Variants in MYH11 observed in about 807,000 individuals in gnomAD.
MYH11 encodes the protein myosin heavy chain 11.
In MYH11, 80 loss-of-function variants were observed where a neutral mutation model predicts 246.6. That is an observed-to-expected ratio of 0.32 (90% CI 0.27 to 0.39). The LOEUF is 0.39. Ranked by LOEUF, MYH11 falls within the 10% of genes least tolerant of loss-of-function variation. The pLI, the probability that MYH11 is intolerant of heterozygous loss-of-function variation, is 1.00. For synonymous variants in MYH11, 1,071 were observed against 1,015.5 expected, an observed-to-expected ratio of 1.05 and a Z score of -1.04; for missense variants, 2,158 against 2,546.8, an observed-to-expected ratio of 0.85 and a Z score of 3.29.
At chr16:15,786,588 G>A (rs374444673) in intron 5 of MYH11, 42 bp downstream of exon 5, 34 of 1,565,264 alleles carry the variant, frequency 2.2e-5, no homozygotes, top group Middle Eastern at 1.7e-4. Context: ...GCTGGAGACC[G>A]GTTGGCTAAA....
intron 1 of MYH11, among the ~76,000 whole-genome samples, chr16:15,854,234 C>T (rs1198833032): frequency 6.6e-6 from 1 of 152,102 alleles, no homozygotes; most frequent in East Asian, 1.9e-4. Context: ...CCCGGTTCTG[C>T]CAAAGATGAG....
intron 26 of MYH11, chr16:15,733,109 T>G (rs2041014527): frequency 3.8e-6 from 1 of 263,890 alleles, no homozygotes; most frequent in Non-Finnish European, 7.4e-6. Context: ...AGGTGTGTTA[T>G]TATTTCCATT....
intron 26 of MYH11, among the ~76,000 whole-genome samples, chr16:15,733,230 T>C (rs1416712492): frequency 1.3e-5 from 2 of 152,082 alleles, no homozygotes; most frequent in Non-Finnish European, 2.9e-5. Context: ...CTTGAGTCCA[T>C]GGTTTTGTTT....
At chr16:15,789,369 C>G (rs940568016) in intron 4 of MYH11, among the ~76,000 whole-genome samples, 10 of 152,056 alleles carry the variant, frequency 6.6e-5, no homozygotes, top group Non-Finnish European at 1.2e-4. Flanking sequence ...TTTACTCTAC[C>G]CAGCAATCTA....
chr16:15,711,120 C>G (rs547665233), intron 40 of MYH11: 1 of 152,236 alleles, frequency 6.6e-6, no homozygotes, highest in Non-Finnish European at 1.5e-5. Context: ...CACCATGCAG[C>G]GAGTGGGGCT....
chr16:15,839,733 T>A (rs1380918648), intron 1 of MYH11, among the ~76,000 whole-genome samples: 2 of 148,644 alleles, frequency 1.3e-5, no homozygotes, highest in African/African-American at 2.5e-5. Context: ...AAAAGGCATA[T>A]CTATGGTGAC....
At position 15,832,943 on chromosome 16, in the gene MYH11, C is replaced by CTTTTT. The variant is rs780380104; in HGVS notation, c.345+4960_345+4964dup. 2.5e-4 allele frequency among the ~76,000 whole-genome samples: 14 copies of CTTTTT among 55,340 alleles called. 1 individual carries two copies. The highest frequency in any genetic ancestry group is 4.4e-4 in the Non-Finnish European group (14 of 31,462). The allele number at this position is 55,340 out of a possible 152,430, so 36.3% of individuals were successfully genotyped here. A position where few individuals can be genotyped will look rare whatever the true frequency, so the allele number is the denominator to read the frequency against. ...CACATCTGAGCTTCAGCAACCTCAT[C>CTTTTT]TTTTTTTTTTTTTTTTTTTTTTTTT... On this transcript the variant is annotated intron_variant, in intron 2 of 40. Transcript: ENST00000300036.
rs111731701 is a variant in MYH11 at position 15,730,015 on chromosome 16, T to C, written c.3651+2549A>G. Among the ~76,000 whole-genome samples, 127 of 152,220 alleles carry C rather than the reference T, an allele frequency of 8.3e-4. 2 individuals carry two copies. The highest frequency in any genetic ancestry group is 3.4e-3 in the Middle Eastern group (1 of 294). The stretch of plus-strand genomic sequence containing the variant: ...GGGGCAGTTTCTAATGGTTTAGCAC[T>C]ATCCCTTTGGTGCTGCCCTCATGAG... On this transcript the variant is annotated intron_variant, in intron 27 of 40. Transcript: ENST00000300036.
At chr16:15,708,934 G>A (rs181328141) in intron 40 of MYH11, 89 of 1,292,570 alleles carry the variant, frequency 6.9e-5, no homozygotes, top group Middle Eastern at 3.8e-4. Flanking sequence ...CATTTGCTTC[G>A]ATTTAATAAT....
At chr16:15,804,456 A>G (rs1405161670) in intron 3 of MYH11, among the ~76,000 whole-genome samples, 1 of 152,162 alleles carries the variant, frequency 6.6e-6, no homozygotes, top group Admixed American at 6.5e-5. Flanking sequence ...AGGGAGGTGG[A>G]GTTTGCAGTG....
In MYH11 at chr16:15,737,114, C is replaced by T. The variant is rs200496337; in HGVS notation, c.3293+335G>A. On this transcript the variant is annotated intron_variant, in intron 25 of 40. Transcript: ENST00000300036. ...CCTTAGACAGGGGTGTTTGAGATGACGGTGGAAATTGACTCATTGGGCAAT... is the reference window on the plus strand; with the variant it reads ...CCTTAGACAGGGGTGTTTGAGATGATGGTGGAAATTGACTCATTGGGCAAT... 2.3e-4 allele frequency among the ~76,000 whole-genome samples: 35 copies of T among 152,032 alleles called. 1 individual carries two copies. The East Asian group carries it at 4.3e-3, about 19-fold the overall frequency.
rs562249787 is a variant in MYH11, at chr16:15,782,442, C to G, written c.669G>C (p.Pro223=). 1 of 1,614,142 alleles carries G rather than the reference C, an allele frequency of 6.2e-7. No homozygotes were observed. Among genetic ancestry groups the G allele is most frequent in the East Asian group, 2.2e-5 (1 of 44,870 alleles). ...TGGCGTTGCCGAAAGCCTCCAGAAT[C>G]GGGTTTGCTTGTAGAAGCTGCTTTT... ...ELEKQLLQAN[P]ILEAFGNAKT... is the part of the protein sequence containing the mutation. Residue 223 remains proline (P), a synonymous_variant, in exon 6 of 41, where the codon CCG becomes CCC. Transcript: ENST00000300036.
intron 3 of MYH11, among the ~76,000 whole-genome samples, chr16:15,815,448 G>C (rs1555456178): frequency 6.6e-6 from 1 of 151,998 alleles, no homozygotes; most frequent in African/African-American, 2.4e-5. Context: ...AAGGGTTAGG[G>C]AAAAAAGTTG....
At chr16:15,718,649 G>A in intron 36 of MYH11, 1 of 671,996 alleles carries the variant, frequency 1.5e-6, no homozygotes, top group Non-Finnish European at 2.5e-6. Flanking sequence ...AGCTGGGATT[G>A]GGATGGGGAC....
At chr16:15,708,809 C>G (rs1567674711) in intron 40 of MYH11, 1 of 1,608,254 alleles carries the variant, frequency 6.2e-7, no homozygotes, top group Non-Finnish European at 8.5e-7. Flanking sequence ...ATACCTGGTG[C>G]ATCACTGCGA....
intron 23 of MYH11, among the ~76,000 whole-genome samples, chr16:15,739,755 T>A (rs530514997): frequency 3.0e-4 from 46 of 152,248 alleles, no homozygotes; most frequent in South Asian, 1.2e-3. Flanking sequence ...CACTTTTTTT[T>A]TTTTTTGAAA....
intron 10 of MYH11, 55 bp downstream of exon 10, chr16:15,763,741 T>TGGGGGGGCCCCCCCCCCCCCCC: frequency 1.5e-6 from 1 of 646,860 alleles, no homozygotes. Flanking sequence ...AAATGTCACC[T>TGGGGGGGCCCCCCCCCCCCCCC]CCCCCACCCC....
At chr16:15,776,311 G>A (rs1240894877) in intron 7 of MYH11, 135 bp from the exon 8 acceptor site, 1 of 709,666 alleles carries the variant, frequency 1.4e-6, no homozygotes, top group Admixed American at 2.0e-5. Flanking sequence ...GTCTAACTTT[G>A]ACCATTGCCC....
intron 2 of MYH11, among the ~76,000 whole-genome samples, chr16:15,829,196 A>C (rs568508751): frequency 1.3e-5 from 2 of 152,138 alleles, no homozygotes; most frequent in African/African-American, 4.8e-5. Flanking sequence ...AAAAAAAAAA[A>C]AGAATAAAAT....
Sources: gnomAD v4.1 joint callset for allele counts (sites outside exome capture counted in the v4.1 genomes callset) on GRCh38, gnomAD v4.1.1 for gene constraint, MANE v1.5 for transcripts, NCBI Gene and HGNC (gene_info 2026-07-23, HGNC 2026-07-21) for gene names.